STXBP6: variants seen among roughly 807,000 people sequenced by gnomAD.
The protein encoded by STXBP6 is syntaxin binding protein 6.
A neutral mutation model predicts 26.9 loss-of-function variants in STXBP6; 21 were observed. The observed-to-expected ratio is 0.78, with a 90% CI of 0.55 to 1.12. The LOEUF (loss-of-function observed/expected upper bound fraction) is 1.12. STXBP6 is among the 50% of genes most tolerant of loss of function. The pLI, the probability that STXBP6 is intolerant of heterozygous loss-of-function variation, is 0.00. For missense variants in STXBP6, 232 were observed against 257.9 expected, an observed-to-expected ratio of 0.90 and a Z score of 0.69; for synonymous variants, 97 against 92.6, an observed-to-expected ratio of 1.05 and a Z score of -0.27.
At chr14:24,983,915 A>G (rs1300137831) in intron 1 of STXBP6, among the ~76,000 whole-genome samples, 1 of 152,246 alleles carries the variant, frequency 6.6e-6, no homozygotes, top group Non-Finnish European at 1.5e-5. Context: ...GCTTTCTAAA[A>G]TTTTTTAAAT....
chr14:24,815,640 G>C (rs1025268163), intron 5 of STXBP6: 6 of 152,106 alleles, frequency 3.9e-5, no homozygotes, highest in African/African-American at 1.4e-4. Flanking sequence ...GTGCAAAACA[G>C]GGCAAGTCAA....
intron 2 of STXBP6, chr14:24,878,896 G>C: frequency 2.8e-6 from 1 of 359,988 alleles, no homozygotes; most frequent in East Asian, 8.3e-5. Context: ...ACAGAACTGT[G>C]AACTATAAAG....
intron 2 of STXBP6, among the ~76,000 whole-genome samples, chr14:24,965,975 A>AG (rs1191022530): frequency 6.6e-6 from 1 of 152,226 alleles, no homozygotes; most frequent in African/African-American, 2.4e-5. Flanking sequence ...GCCACATGCC[A>AG]GAAGGACAGC....
At chr14:24,891,929 AAT>A (rs2070801775) in intron 2 of STXBP6, among the ~76,000 whole-genome samples, 1 of 152,144 alleles carries the variant, frequency 6.6e-6, no homozygotes, top group Non-Finnish European at 1.5e-5. Flanking sequence ...AACCCCCATT[AAT>A]CTTTCAGAGG....
intron 4 of STXBP6, among the ~76,000 whole-genome samples, chr14:24,828,586 A>G (rs1378230629): frequency 1.3e-5 from 2 of 152,220 alleles, no homozygotes; most frequent in Non-Finnish European, 2.9e-5. Flanking sequence ...AACTACGAGT[A>G]AGCCAAAGAA....
At position 24,850,468 on chromosome 14, in the gene STXBP6, A is replaced by G. The variant is rs183912734; in HGVS notation, c.451+5468T>C. ...TGATGAAAATATATGGCACTTCAAAATAGCCTGCTTTGTGAAAAAACAATC... is the reference window on the plus strand; with the variant it reads ...TGATGAAAATATATGGCACTTCAAAGTAGCCTGCTTTGTGAAAAAACAATC... On this transcript the variant is annotated intron_variant, in intron 4 of 5. Coordinates refer to ENST00000323944, the MANE Select transcript of STXBP6 (RefSeq NM_001394410.1). Among the ~76,000 whole-genome samples the G allele has an allele frequency of 1.0e-3, 154 of 152,282 alleles. 1 individual carries two copies. The highest frequency in any genetic ancestry group is 1.3e-3 in the African/African-American group (52 of 41,568).
At chr14:25,046,769 C>T (rs769937968) in intron 1 of STXBP6, among the ~76,000 whole-genome samples, 3 of 152,074 alleles carry the variant, frequency 2.0e-5, no homozygotes, top group African/African-American at 4.8e-5. Flanking sequence ...AGGACTATGG[C>T]GTGGGGGAAA....
intron 4 of STXBP6, among the ~76,000 whole-genome samples, chr14:24,843,557 T>C (rs2068847531): frequency 6.6e-6 from 1 of 152,214 alleles, no homozygotes. Flanking sequence ...TTATATATGA[T>C]CTTGTTAAAT....
chr14:25,001,770 T>C (rs2074767069), intron 1 of STXBP6, among the ~76,000 whole-genome samples: 1 of 152,276 alleles, frequency 6.6e-6, no homozygotes, highest in South Asian at 2.1e-4. Flanking sequence ...CCTTTTGGCA[T>C]GCCTTGTAAT....
chr14:24,917,507 T>G (rs1455087417), intron 2 of STXBP6, among the ~76,000 whole-genome samples: 1 of 152,026 alleles, frequency 6.6e-6, no homozygotes, highest in African/African-American at 2.4e-5. Context: ...ACATTTTCAA[T>G]TAGAAATTAA....
chr14:24,885,072 C>G (rs1322890219), intron 2 of STXBP6, among the ~76,000 whole-genome samples: 1 of 152,124 alleles, frequency 6.6e-6, no homozygotes, highest in Non-Finnish European at 1.5e-5. Context: ...GATGATACAC[C>G]TATTTAGAAG....
chr14:24,960,071 C>G (rs959018729), intron 2 of STXBP6, among the ~76,000 whole-genome samples: 1 of 152,206 alleles, frequency 6.6e-6, no homozygotes, highest in African/African-American at 2.4e-5. Flanking sequence ...TTTGCAGCTG[C>G]TAAGTGCTAA....
intron 2 of STXBP6, among the ~76,000 whole-genome samples, chr14:24,933,631 T>C (rs2072500764): frequency 6.6e-6 from 1 of 152,164 alleles, no homozygotes; most frequent in African/African-American, 2.4e-5. Flanking sequence ...ACTTTCACCC[T>C]TGGGAACTGA....
intron 1 of STXBP6, among the ~76,000 whole-genome samples, chr14:25,045,110 A>G (rs775712352): frequency 3.9e-5 from 6 of 152,206 alleles, no homozygotes; most frequent in African/African-American, 7.2e-5. Context: ...ACAATATTAA[A>G]TCACATATTA....
intron 2 of STXBP6, among the ~76,000 whole-genome samples, chr14:24,870,530 T>A (rs2069890508): frequency 6.6e-6 from 1 of 152,208 alleles, no homozygotes; most frequent in Non-Finnish European, 1.5e-5. Context: ...TTGGGCATGT[T>A]ACCTTCTAAG....
chr14:24,982,527 T>C (rs529681245), intron 1 of STXBP6, among the ~76,000 whole-genome samples: 1 of 152,362 alleles, frequency 6.6e-6, no homozygotes, highest in Non-Finnish European at 1.5e-5. Context: ...CTGGTCATAC[T>C]GTTTAATTCT....
At chr14:24,893,050 G>T (rs1244787645) in intron 2 of STXBP6, among the ~76,000 whole-genome samples, 1 of 152,228 alleles carries the variant, frequency 6.6e-6, no homozygotes, top group Non-Finnish European at 1.5e-5. Context: ...TGTCTCTCCT[G>T]CAGGTATGGT....
intron 2 of STXBP6, among the ~76,000 whole-genome samples, chr14:24,862,384 T>G (rs544027150): frequency 6.6e-6 from 1 of 152,250 alleles, no homozygotes; most frequent in Non-Finnish European, 1.5e-5. Context: ...GGTACTTCAG[T>G]CATGTGCACC....
chr14:25,001,726 C>T (rs911530347), intron 1 of STXBP6, among the ~76,000 whole-genome samples: 9 of 152,192 alleles, frequency 5.9e-5, no homozygotes, highest in African/African-American at 2.2e-4. Flanking sequence ...TGGGCTCGAT[C>T]ATTACTTTGT....
Sources: gnomAD v4.1 joint callset for allele counts (sites outside exome capture counted in the v4.1 genomes callset) on GRCh38, gnomAD v4.1.1 for gene constraint, MANE v1.5 for transcripts, NCBI Gene and HGNC (gene_info 2026-07-23, HGNC 2026-07-21) for gene names.